PLAA: variants seen among roughly 807,000 people sequenced by gnomAD.
PLAA encodes phospholipase A-2-activating protein.
A neutral mutation model predicts 84.1 loss-of-function variants in PLAA; 48 were observed. The ratio of observed to expected loss-of-function variants is 0.57; its 90% CI spans 0.45 to 0.73. The LOEUF (loss-of-function observed/expected upper bound fraction) is 0.73, where lower values mean the gene tolerates loss of function less well. Ranked by LOEUF, PLAA falls within the 30% of genes least tolerant of loss-of-function variation. PLAA has a pLI of 0.00. For synonymous variants in PLAA, 392 were observed against 336.6 expected, an observed-to-expected ratio of 1.16 and a Z score of -1.80; for missense variants, 903 against 954.7, an observed-to-expected ratio of 0.95 and a Z score of 0.71.
At chr9:26,944,726 AAAT>A (rs1825635133) in intron 1 of PLAA, among the ~76,000 whole-genome samples, 1 of 152,250 alleles carries the variant, frequency 6.6e-6, no homozygotes, top group African/African-American at 2.4e-5. Context: ...ATGAGAGACT[AAAT>A]AATCTTATCT....
intron 2 of PLAA, among the ~76,000 whole-genome samples, chr9:26,933,342 G>A (rs969302954): frequency 5.3e-5 from 8 of 151,612 alleles, no homozygotes; most frequent in African/African-American, 1.9e-4. Context: ...GGCTGAGGCA[G>A]GAGAATCGCT....
intron 1 of PLAA, among the ~76,000 whole-genome samples, chr9:26,943,084 T>C (rs1477360946): frequency 6.6e-6 from 1 of 152,018 alleles, no homozygotes; most frequent in Non-Finnish European, 1.5e-5. Flanking sequence ...GGCAAGGCAA[T>C]ATAAAGGCAA....
At chr9:26,934,412 T>C (rs1205925298) in intron 2 of PLAA, among the ~76,000 whole-genome samples, 1 of 152,134 alleles carries the variant, frequency 6.6e-6, no homozygotes, top group African/African-American at 2.4e-5. Context: ...CATGAAATAG[T>C]TAAAAACCAG....
intron 5 of PLAA, 80 bp downstream of exon 5, chr9:26,926,313 C>G (rs1448918277): frequency 5.8e-6 from 5 of 867,500 alleles, no homozygotes; most frequent in East Asian, 4.9e-5. Flanking sequence ...AAGTAATCAG[C>G]TCTCCTCCCT....
In PLAA at chr9:26,937,937, T is replaced by C. The variant is rs12336425; in HGVS notation, c.150-2731A>G. The stretch of plus-strand genomic sequence containing the variant: ...AACATGAGGTAGGCCAGCATACAGA[T>C]TGTGGCAGTCCTAGAGAGAGGGGAA... On this transcript the variant is annotated intron_variant, in intron 1 of 13. Transcript: ENST00000397292. Among the ~76,000 whole-genome samples the C allele has an allele frequency of 9.4e-3, 1,412 of 150,244 alleles. 17 individuals carry two copies. Among genetic ancestry groups the C allele is most frequent in the African/African-American group, 0.031 (1,272 of 40,892 alleles).
chr9:26,924,534 A>G (rs547186695), intron 6 of PLAA, among the ~76,000 whole-genome samples: 7 of 152,118 alleles, frequency 4.6e-5, no homozygotes, highest in South Asian at 4.1e-4. Flanking sequence ...CTTTTTTTCT[A>G]TCATTTTCTA....
chr9:26,921,610 T>C (rs765094846), intron 7 of PLAA, among the ~76,000 whole-genome samples: 2 of 152,202 alleles, frequency 1.3e-5, no homozygotes, highest in South Asian at 4.1e-4. Flanking sequence ...GAAATACTAG[T>C]TTTTTAAACG....
intron 8 of PLAA, 80 bp from the exon 9 acceptor site, chr9:26,919,609 T>C (rs10120342): frequency 1.2e-4 from 91 of 773,026 alleles, no homozygotes; most frequent in Non-Finnish European, 1.8e-4. Flanking sequence ...ATAACACAGA[T>C]GTGTTCTTTA....
chr9:26,934,475 CTTTTTTTT>C (rs67138338), intron 2 of PLAA, among the ~76,000 whole-genome samples: 31 of 93,312 alleles, frequency 3.3e-4, no homozygotes, highest in Non-Finnish European at 3.3e-4. Flanking sequence ...GAACACTTTA[CTTTTTTTT>C]TTTTTTTTTT....
intron 1 of PLAA, 120 bp downstream of exon 1, chr9:26,946,777 A>C (rs570876509): frequency 1.1e-4 from 129 of 1,130,702 alleles, no homozygotes; most frequent in Non-Finnish European, 1.5e-4. Context: ...AAGGGAGCGG[A>C]GAGCAGAGGG....
rs1824227276 is a variant in PLAA at position 26,906,059 on chromosome 9, G to A, written c.1840C>T (p.Leu614Phe). 1.3e-6 allele frequency: 2 copies of A among 1,546,000 alleles called. No homozygotes were observed. Among genetic ancestry groups the A allele is most frequent in the Non-Finnish European group, 8.7e-7 (1 of 1,144,736 alleles). ...TTAATTGACAACCGAAGAATGTCAA[G>A]TGCAGGAAAGACAATATCTATTAAA... ...NCPEDIVFPA[L>F]DILRLSIKHP... Residue 614 changes from leucine (L) to phenylalanine (F), a missense_variant, in exon 14 of 14, where the codon CTT becomes TTT. Coordinates refer to ENST00000397292, the MANE Select transcript of PLAA (RefSeq NM_001031689.3).
rs780961632 is a variant in PLAA, at chr9:26,926,379, T to C, written c.733+14A>G. The C allele has an allele frequency of 4.0e-6, 6 of 1,517,034 alleles. No homozygotes were observed. Among genetic ancestry groups the C allele is most frequent in the Non-Finnish European group, 5.5e-6 (6 of 1,093,554 alleles). The allele number at this position is 1,517,034 out of a possible 1,614,324, so 94.0% of individuals were successfully genotyped here. On this transcript the variant is annotated intron_variant, in intron 5 of 13. Coordinates refer to ENST00000397292, the MANE Select transcript of PLAA (RefSeq NM_001031689.3). ...AATACAAAACATTAAATAAATAGCA[T>C]AAAATAATCTTACCTCTACAATTTG...
At chr9:26,910,052 A>G (rs1824353908) in intron 12 of PLAA, among the ~76,000 whole-genome samples, 1 of 152,152 alleles carries the variant, frequency 6.6e-6, no homozygotes, top group South Asian at 2.1e-4. Flanking sequence ...TTTTTTTGAA[A>G]ACATTAAGAG....
intron 12 of PLAA, 41 bp downstream of exon 12, chr9:26,910,297 C>A: frequency 7.0e-7 from 1 of 1,426,518 alleles, no homozygotes; most frequent in Non-Finnish European, 9.9e-7. Context: ...ACATCTCAAA[C>A]AGTCTGTGAA....
intron 2 of PLAA, among the ~76,000 whole-genome samples, chr9:26,932,743 C>T (rs149965546): frequency 8.0e-4 from 122 of 152,314 alleles, no homozygotes; most frequent in Admixed American, 1.8e-3. Flanking sequence ...CTTCTGTGTA[C>T]ATTTGATTTC....
In PLAA at chr9:26,910,923, CCTTTT is replaced by C. The variant is rs1422692290; in HGVS notation, c.1556-489_1556-485del. Among the ~76,000 whole-genome samples the C allele has an allele frequency of 3.9e-5, 6 of 152,260 alleles. No individual in the cohort carries two copies. In the East Asian group the frequency reaches 1.2e-3, roughly 29 times the overall value. On this transcript the variant is annotated intron_variant, in intron 11 of 13. Transcript: ENST00000397292. Reference sequence around the variant, plus strand: ...TCTTCTCTAAGGCATGCTGATCTCTCCTTTTATGTCTTTTACTGCTTATTCCAAAG... The same window carrying C: ...TCTTCTCTAAGGCATGCTGATCTCTCATGTCTTTTACTGCTTATTCCAAAG...
intron 7 of PLAA, among the ~76,000 whole-genome samples, chr9:26,922,604 G>A (rs553093026): frequency 4.6e-5 from 7 of 151,870 alleles, no homozygotes; most frequent in South Asian, 2.1e-4. Flanking sequence ...AGATGACTAC[G>A]GTCTTCTGAT....
rs2131434340 is a variant in PLAA at position 26,944,994 on chromosome 9, G to A, written c.149+1903C>T. On this transcript the variant is annotated intron_variant, in intron 1 of 13. Transcript: ENST00000397292. ...AATACAAAATTAGCCGGGCATGGTG[G>A]CACATGCCTGTAATCACAGCTTCTT... 2.0e-5 allele frequency among the ~76,000 whole-genome samples: 3 copies of A among 152,262 alleles called. No individual in the cohort carries two copies. The South Asian group carries it at 6.2e-4, about 32-fold the overall frequency.
chr9:26,932,041 T>A (rs144381909), intron 2 of PLAA, among the ~76,000 whole-genome samples: 1 of 152,038 alleles, frequency 6.6e-6, no homozygotes, highest in Non-Finnish European at 1.5e-5. Flanking sequence ...GAGCTGAAGA[T>A]TGCACCACTG....
Sources: allele counts gnomAD v4.1 joint callset (sites outside exome capture counted in the v4.1 genomes callset), GRCh38; gene constraint gnomAD v4.1.1; transcripts MANE v1.5; gene names NCBI Gene and HGNC (gene_info 2026-07-23, HGNC 2026-07-21).